Variants in DENND5A observed in about 807,000 individuals in gnomAD.
DENND5A encodes DENN domain containing 5A.
Under a neutral mutation model 140.3 loss-of-function variants are expected in DENND5A, and 64 were observed. The observed-to-expected ratio is 0.46, with a 90% confidence interval of 0.37 to 0.56. The LOEUF (loss-of-function observed/expected upper bound fraction) is 0.56, where lower values mean the gene tolerates loss of function less well. DENND5A is among the 20% of genes least tolerant of loss of function. DENND5A has a pLI of 0.00. For synonymous variants in DENND5A, 605 were observed against 607.7 expected, an observed-to-expected ratio of 1.00 and a Z score of 0.07; for missense variants, 1,292 against 1,593.8, an observed-to-expected ratio of 0.81 and a Z score of 3.22.
chr11:9,265,047 C>A lies in DENND5A; in HGVS notation c.23G>T (p.Gly8Val), dbSNP rs1407370979. MSGGGGG[G>V]GSAPSRFADY... ...GGCGAAGCGACTGGGCGCCGAGCCC[C>A]CTCCGCCGCCGCCGCCACTCATGGC... The change falls in exon 1 of 23, where the codon GGG (glycine) becomes GTG (valine). Residue 8 changes from glycine (G) to valine (V), a missense_variant. Gly to Val is a moderately radical substitution (Grantham distance 109). Transcript: ENST00000328194. The surrounding 1 kb of genome is among the most constrained non-coding windows in gnomAD (Gnocchi z 4.7). 6.4e-7 allele frequency: 1 copy of A among 1,553,292 alleles called. No homozygotes were observed. The highest frequency in any genetic ancestry group is 8.7e-7 in the Non-Finnish European group (1 of 1,152,978).
rs952434395 is a variant in DENND5A, at chr11:9,218,065, G to C, written c.110-10433C>G. On this transcript the variant is annotated intron_variant, in intron 1 of 22. Coordinates refer to ENST00000328194, the MANE Select transcript of DENND5A (RefSeq NM_015213.4). ...AGTCCAGGAGTTCAAGACCAACCTG[G>C]GCAACATGGCAAGACCCCATCTGTA... Among the ~76,000 whole-genome samples, 8 of 152,116 alleles carry C rather than the reference G, an allele frequency of 5.3e-5. No homozygotes were observed. The East Asian group carries it at 1.5e-3, about 29-fold the overall frequency.
At chr11:9,167,256 C>T (rs541804908) in intron 10 of DENND5A, among the ~76,000 whole-genome samples, 11 of 151,930 alleles carry the variant, frequency 7.2e-5, no homozygotes, top group Non-Finnish European at 1.5e-4. Flanking sequence ...TCTTATGGCC[C>T]CTTAATCTAT....
intron 22 of DENND5A, chr11:9,140,273 A>T (rs1254273948): frequency 1.7e-6 from 2 of 1,201,658 alleles, no homozygotes; most frequent in East Asian, 5.6e-5. Context: ...AGGTACTATT[A>T]TTATCCCCAC....
At chr11:9,214,788 A>T (rs1015919993) in intron 1 of DENND5A, among the ~76,000 whole-genome samples, 1 of 152,208 alleles carries the variant, frequency 6.6e-6, no homozygotes, top group East Asian at 1.9e-4. Context: ...CAGTGGCACA[A>T]TCTTGGCTCA....
At position 9,197,974 on chromosome 11, in the gene DENND5A, C is replaced by G. The variant is rs114347032; in HGVS notation, c.950-4293G>C. On this transcript the variant is annotated intron_variant, in intron 4 of 22. Transcript: ENST00000328194. Reference sequence around the variant, plus strand: ...CGTCCACTTAGCCAACTCACTTTACCGATTGATTTTCCCCACTCTGAGTAA... The same window carrying G: ...CGTCCACTTAGCCAACTCACTTTACGGATTGATTTTCCCCACTCTGAGTAA... Among the ~76,000 whole-genome samples, 556 of 152,164 alleles carry G rather than the reference C, an allele frequency of 3.7e-3. 4 individuals are homozygous for G. The highest frequency in any genetic ancestry group is 0.013 in the African/African-American group (530 of 41,498).
chr11:9,212,644 CAAAT>C lies in DENND5A; in HGVS notation c.110-5016_110-5013del, dbSNP rs371041228. The stretch of plus-strand genomic sequence containing the variant: ...CAACACAAGTACTGAAAAAAAAACA[CAAAT>C]AAATAAAAATCTGTCAAACCCAGAA... On this transcript the variant is annotated intron_variant, in intron 1 of 22. Transcript: ENST00000328194. Among the ~76,000 whole-genome samples the C allele has an allele frequency of 6.7e-4, 102 of 151,292 alleles. 2 individuals carry two copies. In the South Asian group the frequency reaches 0.021, roughly 30 times the overall value.
At chr11:9,236,077 C>A (rs1005378444) in intron 1 of DENND5A, among the ~76,000 whole-genome samples, 1 of 151,680 alleles carries the variant, frequency 6.6e-6, no homozygotes, top group Non-Finnish European at 1.5e-5. Flanking sequence ...TCCATCTCTA[C>A]AAAAAATTTA....
chr11:9,263,111 A>G (rs78039884), intron 1 of DENND5A, among the ~76,000 whole-genome samples: 1 of 152,158 alleles, frequency 6.6e-6, no homozygotes, highest in African/African-American at 2.4e-5. Context: ...AATATTAATT[A>G]TATTACTGCT....
intron 1 of DENND5A, among the ~76,000 whole-genome samples, chr11:9,229,538 T>C (rs1224510404): frequency 1.3e-5 from 2 of 151,744 alleles, no homozygotes; most frequent in East Asian, 1.9e-4. Context: ...TCACAGATAA[T>C]AGAAAAGCAA....
Position 9,169,871 on chromosome 11 carries a change from A to G in DENND5A, c.2136T>C (p.Asp712=), listed in dbSNP as rs1256442589. Residue 712 remains aspartate, a synonymous_variant, in exon 10 of 23, where the codon GAT becomes GAC. Transcript: ENST00000328194. Reference sequence around the variant, plus strand: ...GGTATCTTACCTCCCTCTGGTCATTATCTAAACGCAGGTGTTCTGTGTGCT... The same window carrying G: ...GGTATCTTACCTCCCTCTGGTCATTGTCTAAACGCAGGTGTTCTGTGTGCT... ...QKQHTEHLRL[D]NDQREKYIQE... 6.2e-7 allele frequency: 1 copy of G among 1,611,006 alleles called. No homozygotes were observed. The highest frequency in any genetic ancestry group is 8.5e-7 in the Non-Finnish European group (1 of 1,177,144).
chr11:9,199,844 C>A (rs1849466961), intron 4 of DENND5A, among the ~76,000 whole-genome samples: 1 of 152,170 alleles, frequency 6.6e-6, no homozygotes, highest in African/African-American at 2.4e-5. Context: ...ATAACTACTT[C>A]AAGAAAACCA....
chr11:9,245,720 G>A (rs531298158), intron 1 of DENND5A, among the ~76,000 whole-genome samples: 13 of 151,898 alleles, frequency 8.6e-5, no homozygotes, highest in Non-Finnish European at 1.3e-4. Flanking sequence ...TGCAACCTCC[G>A]CCTCCCAAAT....
intron 1 of DENND5A, among the ~76,000 whole-genome samples, chr11:9,232,587 T>TAGGG (rs2136254483): frequency 6.6e-6 from 1 of 152,252 alleles, no homozygotes; most frequent in Non-Finnish European, 1.5e-5. Flanking sequence ...TTGGTAAGGA[T>TAGGG]AGGGAGTAAC....
Position 9,179,183 on chromosome 11 carries a change from T to C in DENND5A, c.1456-110A>G, listed in dbSNP as rs553747863. 1.5e-4 allele frequency: 136 copies of C among 886,430 alleles called. 1 individual carries two copies. The East Asian group carries it at 3.3e-3, about 22-fold the overall frequency. The allele number at this position is 886,430 out of a possible 1,614,324, so 54.9% of individuals were successfully genotyped here. A position where few individuals can be genotyped will look rare whatever the true frequency, so the allele number is the denominator to read the frequency against. On this transcript the variant is annotated intron_variant, in intron 6 of 22. Coordinates refer to ENST00000328194, the MANE Select transcript of DENND5A (RefSeq NM_015213.4). Reference sequence around the variant, plus strand: ...TTTTTTTTTACAGTGCTAATTTACTTAGCAGGAAATGATGAGAACAAAAGA... The same window carrying C: ...TTTTTTTTTACAGTGCTAATTTACTCAGCAGGAAATGATGAGAACAAAAGA...
Position 9,178,513 on chromosome 11 carries a change from A to C in DENND5A, c.1672-147T>G, listed in dbSNP as rs74052982. 1.7e-3 allele frequency: 1,050 copies of C among 608,016 alleles called. 9 individuals are homozygous for C. The highest frequency in any genetic ancestry group is 0.017 in the African/African-American group (904 of 53,908). 37.7% of individuals were successfully genotyped at this position (608,016 alleles called of 1,614,324 possible). A position where few individuals can be genotyped will look rare whatever the true frequency, so the allele number is the denominator to read the frequency against. On this transcript the variant is annotated intron_variant, in intron 7 of 22. Transcript: ENST00000328194. ...AAATCTCTACATTAAAAAAAAAAAA[A>C]CCCACTCATGTAAGTTCAGGTATCT...
intron 12 of DENND5A, among the ~76,000 whole-genome samples, chr11:9,153,739 AC>A (rs1196054729): frequency 3.3e-5 from 5 of 152,240 alleles, no homozygotes; most frequent in Non-Finnish European, 5.9e-5. Flanking sequence ...CTGGTACTTA[AC>A]TGCATGGCTG....
intron 12 of DENND5A, among the ~76,000 whole-genome samples, chr11:9,152,931 G>A (rs1847670695): frequency 6.6e-6 from 1 of 151,648 alleles, no homozygotes; most frequent in Non-Finnish European, 1.5e-5. Context: ...CCGGGAGGCA[G>A]AGGTTGCAGT....
At chr11:9,196,023 G>A (rs182928342) in intron 4 of DENND5A, among the ~76,000 whole-genome samples, 3 of 152,272 alleles carry the variant, frequency 2.0e-5, no homozygotes, top group Non-Finnish European at 2.9e-5. Context: ...CGCAATCTCG[G>A]CTCACTGCAA....
intron 11 of DENND5A, among the ~76,000 whole-genome samples, chr11:9,163,414 T>G (rs183986114): frequency 3.0e-4 from 45 of 152,318 alleles, no homozygotes; most frequent in African/African-American, 1.0e-3. Flanking sequence ...TTCCCACATA[T>G]TAACATGTCT....
Sources: allele counts gnomAD v4.1 joint callset (sites outside exome capture counted in the v4.1 genomes callset), GRCh38; gene constraint gnomAD v4.1.1; non-coding constraint Gnocchi (gnomAD v3.1); transcripts MANE v1.5; gene names NCBI Gene and HGNC (gene_info 2026-07-23, HGNC 2026-07-21).